Variants in CFAP251 observed in about 807,000 individuals in gnomAD.
CFAP251 encodes cilia- and flagella-associated protein 251.
A neutral mutation model predicts 126.7 loss-of-function variants in CFAP251; 93 were observed. The observed-to-expected ratio is 0.73, with a 90% CI of 0.62 to 0.87. CFAP251 has a LOEUF of 0.87. Ranked by LOEUF, CFAP251 falls within the 40% of genes least tolerant of loss-of-function variation. The pLI, the probability that CFAP251 is intolerant of heterozygous loss-of-function variation, is 0.00. For synonymous variants in CFAP251, 503 were observed against 506.9 expected, an observed-to-expected ratio of 0.99 and a Z score of 0.10; for missense variants, 1,287 against 1,389.2, an observed-to-expected ratio of 0.93 and a Z score of 1.17.
chr12:121,947,037 ATTCT>A (rs1301004154), intron 7 of CFAP251, among the ~76,000 whole-genome samples: 62 of 152,232 alleles, frequency 4.1e-4, no homozygotes, highest in Admixed American at 3.5e-3. Context: ...CTTCTGCCAC[ATTCT>A]TTCTTTATTC....
chr12:121,975,407 A>C, intron 18 of CFAP251, 73 bp downstream of exon 18: 1 of 1,570,728 alleles, frequency 6.4e-7, no homozygotes, highest in Non-Finnish European at 8.7e-7. Flanking sequence ...CCCAGGGTTA[A>C]CCTTGCTTTA....
chr12:121,975,231 G>A lies in CFAP251; in HGVS notation c.2772-13G>A. 4 of 1,612,634 alleles carry A rather than the reference G, an allele frequency of 2.5e-6. No individual in the cohort carries two copies. The highest frequency in any genetic ancestry group is 3.4e-6 in the Non-Finnish European group (4 of 1,178,976). ...AGCGCTTTCTAATAGAGACATTTCT[G>A]TTGTTGTTCCAGTGTCCTGGAGGCA... On this transcript the variant is annotated splice_polypyrimidine_tract_variant and intron_variant, in intron 17 of 21. Coordinates refer to ENST00000288912, the MANE Select transcript of CFAP251 (RefSeq NM_144668.6).
At chr12:121,930,131 T>C (rs1347648836) in intron 3 of CFAP251, among the ~76,000 whole-genome samples, 1 of 152,188 alleles carries the variant, frequency 6.6e-6, no homozygotes, top group African/African-American at 2.4e-5. Context: ...AGCCCTTTTT[T>C]TTTCCTCGTT....
intron 5 of CFAP251, among the ~76,000 whole-genome samples, chr12:121,940,486 G>GCA (rs1337657595): frequency 6.6e-6 from 1 of 152,150 alleles, no homozygotes; most frequent in Non-Finnish European, 1.5e-5. Flanking sequence ...GTGACATACA[G>GCA]AGATGCTGAG....
chr12:121,950,073 A>G (rs1217755992), intron 8 of CFAP251: 1 of 152,242 alleles, frequency 6.6e-6, no homozygotes. Flanking sequence ...AAAGGTAGAA[A>G]CAAGCCAAGT....
intron 5 of CFAP251, among the ~76,000 whole-genome samples, chr12:121,937,190 G>C (rs1353919286): frequency 6.6e-6 from 1 of 152,224 alleles, no homozygotes; most frequent in African/African-American, 2.4e-5. Flanking sequence ...TGGGGGCTGT[G>C]AGGGAGAATC....
chr12:121,946,070 C>T (rs1246133646), intron 7 of CFAP251, among the ~76,000 whole-genome samples: 4 of 152,302 alleles, frequency 2.6e-5, no homozygotes, highest in Admixed American at 6.5e-5. Context: ...CATGTGGCCT[C>T]CAAGGTGTGA....
rs180708209 is a variant in CFAP251 at position 121,965,524 on chromosome 12, A to G, written c.2493-1431A>G. 2.2e-3 allele frequency among the ~76,000 whole-genome samples: 336 copies of G among 152,304 alleles called. 3 individuals carry two copies. Among genetic ancestry groups the G allele is most frequent in the African/African-American group, 7.9e-3 (327 of 41,576 alleles). ...ATGGAAACAATCCAAATGCCCATTA[A>G]TAGGGGATGAGTTAAACAATGGTTT... On this transcript the variant is annotated intron_variant, in intron 15 of 21. Coordinates refer to ENST00000288912, the MANE Select transcript of CFAP251 (RefSeq NM_144668.6).
intron 19 of CFAP251, among the ~76,000 whole-genome samples, chr12:121,992,880 T>G (rs993479439): frequency 6.6e-6 from 1 of 152,122 alleles, no homozygotes; most frequent in Non-Finnish European, 1.5e-5. Flanking sequence ...AAATTATAAT[T>G]TATCTTATGT....
At chr12:121,968,904 C>T in intron 17 of CFAP251, 2 of 985,424 alleles carry the variant, frequency 2.0e-6, no homozygotes, top group Non-Finnish European at 2.4e-6. Flanking sequence ...CTTATGAGCT[C>T]AGAATCTTCC....
chr12:121,931,758 T>G lies in CFAP251; in HGVS notation c.760T>G (p.Ser254Ala). 6.3e-7 allele frequency: 1 copy of G among 1,578,826 alleles called. No individual in the cohort carries two copies. The highest frequency in any genetic ancestry group is 1.2e-5 in the South Asian group (1 of 84,640). The change falls in exon 4 of 22, where the codon TCG becomes GCG. Residue 254 changes from serine to alanine, a missense_variant. Coordinates refer to ENST00000288912, the MANE Select transcript of CFAP251 (RefSeq NM_144668.6). ...TPVYPLTMTW[S>A]FGWNSSLPVY... is the part of the protein sequence containing the mutation. ...CCTTGTCTTCCAGACCATGACCTGG[T>G]CGTTTGGATGGAACAGTTCTCTTCC... is the stretch of plus-strand genomic sequence containing the variant.
intron 19 of CFAP251, among the ~76,000 whole-genome samples, chr12:121,987,092 G>A (rs1208146087): frequency 6.6e-6 from 1 of 152,190 alleles, no homozygotes; most frequent in African/African-American, 2.4e-5. Flanking sequence ...GGGGTAATTT[G>A]AGCCAAGAAG....
intron 19 of CFAP251, 74 bp downstream of exon 19, chr12:121,975,759 T>C (rs1215404369): frequency 6.8e-7 from 1 of 1,479,854 alleles, no homozygotes; most frequent in South Asian, 1.4e-5. Context: ...ACAATCATTA[T>C]AGGTCAAAGC....
chr12:121,946,084 G>A (rs1283973773), intron 7 of CFAP251, among the ~76,000 whole-genome samples: 1 of 152,128 alleles, frequency 6.6e-6, no homozygotes, highest in East Asian at 1.9e-4. Flanking sequence ...GGTGTGATCT[G>A]ATCCCTCCAT....
intron 19 of CFAP251, chr12:121,992,473 GC>G (rs1882898094): frequency 2.0e-6 from 2 of 985,206 alleles, no homozygotes; most frequent in Non-Finnish European, 1.2e-6. Flanking sequence ...AGTAACTCAG[GC>G]CCTTATGAAT....
intron 19 of CFAP251, among the ~76,000 whole-genome samples, chr12:121,983,333 G>A (rs1264914123): frequency 2.1e-5 from 3 of 139,924 alleles, no homozygotes; most frequent in Middle Eastern, 3.4e-3. Context: ...GCTGTAGGCT[G>A]CAGCATGCTA....
At chr12:121,951,611 A>G (rs759570139) in intron 9 of CFAP251, 81 bp downstream of exon 9, 17 of 1,035,560 alleles carry the variant, frequency 1.6e-5, no homozygotes, top group Non-Finnish European at 2.5e-5. Context: ...GCTTCGGGCT[A>G]CTCTTTGTAC....
At chr12:121,931,961 A>AGGGCTGACTTC (rs1880711713) in intron 4 of CFAP251, 75 bp downstream of exon 4, 2 of 1,337,200 alleles carry the variant, frequency 1.5e-6, no homozygotes, top group Admixed American at 5.8e-5. Flanking sequence ...TTGTATCTCA[A>AGGGCTGACTTC]GGGCTGACTT....
intron 5 of CFAP251, among the ~76,000 whole-genome samples, chr12:121,941,969 A>T (rs757748763): frequency 2.0e-5 from 3 of 152,084 alleles, no homozygotes; most frequent in Non-Finnish European, 4.4e-5. Context: ...TCATATTTAC[A>T]TCCTTCCTGC....
Sources: allele counts gnomAD v4.1 joint callset (sites outside exome capture counted in the v4.1 genomes callset), GRCh38; gene constraint gnomAD v4.1.1; transcripts MANE v1.5; gene names NCBI Gene and HGNC (gene_info 2026-07-23, HGNC 2026-07-21).